The following MITF variants were observed in gnomAD, a reference collection of about 807,000 sequenced individuals.
The protein encoded by MITF is melanocyte inducing transcription factor, also known as microphthalmia-associated transcription factor.
MITF carries 17 observed loss-of-function variants against 60.5 expected under a neutral mutation model. That is an observed-to-expected ratio of 0.28 (90% confidence interval 0.19 to 0.42). The LOEUF (loss-of-function observed/expected upper bound fraction) is 0.42. MITF is among the 10% of genes least tolerant of loss of function. MITF has a pLI of 1.00. For synonymous variants in MITF, 260 were observed against 248.5 expected, an observed-to-expected ratio of 1.05 and a Z score of -0.43; for missense variants, 622 against 683.5, an observed-to-expected ratio of 0.91 and a Z score of 1.00.
chr3:69,875,264 G>T (rs920059052), intron 1 of MITF, among the ~76,000 whole-genome samples: 2 of 152,160 alleles, frequency 1.3e-5, no homozygotes, highest in African/African-American at 4.8e-5. Flanking sequence ...ATACATGCCA[G>T]TAAAGGCATT....
intron 1 of MITF, among the ~76,000 whole-genome samples, chr3:69,811,193 A>G (rs945815268): frequency 1.3e-5 from 2 of 152,134 alleles, no homozygotes; most frequent in African/African-American, 4.8e-5. Flanking sequence ...AAAGCTCCTA[A>G]GGTAATTCTA....
intron 5 of MITF, 115 bp from the exon 6 acceptor site, chr3:69,948,936 T>G (rs972201992): frequency 1.0e-4 from 82 of 795,418 alleles, no homozygotes; most frequent in Non-Finnish European, 1.3e-4. Context: ...TAAAAATGAT[T>G]TTTTGTATCA....
In MITF at chr3:69,937,868, C is replaced by G; in HGVS notation, c.401C>G (p.Ala134Gly). Reference sequence around the variant, plus strand: ...CCCACCAAGTACCACATACAGCAAGCCCAACGGCAGCAGGTAAAGCAGTAC... The same window carrying G: ...CCCACCAAGTACCACATACAGCAAGGCCAACGGCAGCAGGTAAAGCAGTAC... ...ENPTKYHIQQ[A>G]QRQQVKQYLS... The change falls in exon 3 of 10, where the codon GCC becomes GGC. Residue 134 changes from alanine to glycine, a missense_variant. By Grantham distance (60) the Ala-to-Gly change is moderately conservative. Around this residue, in one of 5 missense-constraint regions of MITF, gnomAD observed 215 missense variants for 224.8 expected, o/e 0.96. Transcript: ENST00000352241. 6.2e-7 allele frequency: 1 copy of G among 1,614,096 alleles called. No individual in the cohort carries two copies. Among genetic ancestry groups the G allele is most frequent in the Non-Finnish European group, 8.5e-7 (1 of 1,180,000 alleles).
chr3:69,938,491 G>C, intron 3 of MITF: 1 of 1,461,510 alleles, frequency 6.8e-7, no homozygotes, highest in East Asian at 2.5e-5. Flanking sequence ...TTCTCCCTGA[G>C]TTGGGGGAAG....
chr3:69,865,370 G>A (rs1339624957), intron 1 of MITF, among the ~76,000 whole-genome samples: 3 of 152,174 alleles, frequency 2.0e-5, no homozygotes, highest in African/African-American at 7.2e-5. Context: ...TGTGTGTAGG[G>A]AGAAACATAC....
At chr3:69,871,814 G>T (rs2064243948) in intron 1 of MITF, among the ~76,000 whole-genome samples, 1 of 152,082 alleles carries the variant, frequency 6.6e-6, no homozygotes, top group Non-Finnish European at 1.5e-5. Context: ...GTTTATTCCA[G>T]TTCCTTTCAC....
intron 2 of MITF, among the ~76,000 whole-genome samples, chr3:69,929,598 G>GTT: frequency 6.6e-6 from 1 of 150,688 alleles, no homozygotes; most frequent in East Asian, 1.9e-4. Flanking sequence ...CTTTGTTTTT[G>GTT]TTTTTTTTTC....
intron 2 of MITF, among the ~76,000 whole-genome samples, chr3:69,898,333 G>T (rs1012050173): frequency 6.6e-6 from 1 of 152,204 alleles, no homozygotes; most frequent in Non-Finnish European, 1.5e-5. Context: ...AGAGAAGGTT[G>T]GTCTTGCTGG....
chr3:69,813,673 G>T (rs1466902003), intron 1 of MITF, among the ~76,000 whole-genome samples: 1 of 152,176 alleles, frequency 6.6e-6, no homozygotes, highest in Non-Finnish European at 1.5e-5. Context: ...AGTGAAGTAT[G>T]AATGGAGTAT....
intron 1 of MITF, among the ~76,000 whole-genome samples, chr3:69,820,012 G>C (rs754322869): frequency 1.4e-4 from 21 of 152,106 alleles, no homozygotes; most frequent in Non-Finnish European, 2.6e-4. Context: ...TTAGAGCATT[G>C]ATGTCCAATG....
intron 1 of MITF, among the ~76,000 whole-genome samples, chr3:69,872,717 TA>T (rs936937759): frequency 1.1e-4 from 17 of 152,092 alleles, no homozygotes; most frequent in African/African-American, 3.4e-4. Context: ...AGGTCCAGCT[TA>T]AAAAAAATGT....
At chr3:69,790,345 A>C (rs960566695) in intron 1 of MITF, among the ~76,000 whole-genome samples, 49 of 152,114 alleles carry the variant, frequency 3.2e-4, no homozygotes, top group African/African-American at 1.2e-3. Flanking sequence ...GGAAAAGGGG[A>C]GTTGGTATTT....
chr3:69,962,999 G>A (rs1174556386), intron 9 of MITF, among the ~76,000 whole-genome samples: 3 of 152,124 alleles, frequency 2.0e-5, no homozygotes, highest in Non-Finnish European at 2.9e-5. Context: ...GTGTTCACAT[G>A]GTCTTTTTTC....
intron 1 of MITF, among the ~76,000 whole-genome samples, chr3:69,802,769 G>T (rs758120189): frequency 7.5e-6 from 1 of 134,178 alleles, no homozygotes; most frequent in Non-Finnish European, 1.5e-5. Flanking sequence ...TCGGCTTACT[G>T]CAATCTCCGC....
At chr3:69,794,706 A>G (rs1260582767) in intron 1 of MITF, among the ~76,000 whole-genome samples, 1 of 152,220 alleles carries the variant, frequency 6.6e-6, no homozygotes, top group African/African-American at 2.4e-5. Flanking sequence ...GCTACTGCCC[A>G]GGTCAAGAAT....
intron 1 of MITF, among the ~76,000 whole-genome samples, chr3:69,868,028 T>A (rs1461042216): frequency 6.6e-6 from 1 of 152,220 alleles, no homozygotes; most frequent in Admixed American, 6.5e-5. Flanking sequence ...AGGAACATGA[T>A]AGCAGAAGGC....
chr3:69,797,457 G>C (rs1013568066), intron 1 of MITF, among the ~76,000 whole-genome samples: 1 of 152,038 alleles, frequency 6.6e-6, no homozygotes. Flanking sequence ...AGACAGGAAA[G>C]ATTTTCTATT....
intron 1 of MITF, among the ~76,000 whole-genome samples, chr3:69,874,208 A>G (rs1315880229): frequency 6.6e-6 from 1 of 152,214 alleles, no homozygotes; most frequent in Non-Finnish European, 1.5e-5. Context: ...AAATGCTACA[A>G]TTCCTACTTT....
intron 1 of MITF, among the ~76,000 whole-genome samples, chr3:69,843,088 C>G (rs899476447): frequency 6.6e-6 from 1 of 152,046 alleles, no homozygotes; most frequent in African/African-American, 2.4e-5. Context: ...CGCTCCAGGT[C>G]CTTGCCAGGG....
Sources: gnomAD v4.1 joint callset for allele counts (sites outside exome capture counted in the v4.1 genomes callset) on GRCh38, gnomAD v4.1.1 for gene constraint, gnomAD v4.1.1 regional missense constraint, MANE v1.5 for transcripts, NCBI Gene and HGNC (gene_info 2026-07-23, HGNC 2026-07-21) for gene names.